The following APC variants were observed in gnomAD, a reference collection of about 807,000 sequenced individuals.
The protein encoded by APC is APC regulator of Wnt signaling pathway.
In APC, 72 loss-of-function variants were observed where a neutral mutation model predicts 247.0. That is an observed-to-expected ratio of 0.29 (90% CI 0.24 to 0.35). APC has a LOEUF of 0.35. APC is among the 10% of genes least tolerant of loss of function. The pLI, the probability that APC is intolerant of heterozygous loss-of-function variation, is 1.00. For synonymous variants in APC, 1,254 were observed against 1,162.5 expected (o/e 1.08, Z -1.60); for missense variants, 3,400 against 3,360.7 (o/e 1.01, Z -0.29).
At chr5:112,794,927 G>C (rs1760038921) in intron 7 of APC, among the ~76,000 whole-genome samples, 1 of 152,226 alleles carries the variant, frequency 6.6e-6, no homozygotes, top group Non-Finnish European at 1.5e-5. Flanking sequence ...TATGGGGCAA[G>C]GCCTAAGGAA....
chr5:112,797,302 T>A (rs1249382128), intron 7 of APC, among the ~76,000 whole-genome samples: 2 of 152,216 alleles, frequency 1.3e-5, no homozygotes, highest in Non-Finnish European at 2.9e-5. Flanking sequence ...TGCATTATTT[T>A]ATTCTTCTAA....
chr5:112,767,614 T>C (rs1756503726), intron 4 of APC, among the ~76,000 whole-genome samples: 1 of 152,036 alleles, frequency 6.6e-6, no homozygotes, highest in African/African-American at 2.4e-5. Context: ...TTGTCACTTA[T>C]TTTGTTTTTT....
intron 2 of APC, among the ~76,000 whole-genome samples, chr5:112,765,003 A>G (rs1756113032): frequency 6.6e-6 from 1 of 152,214 alleles, no homozygotes. Context: ...ATGCCCCCAC[A>G]TCTACTTACC....
chr5:112,797,100 A>AT (rs1384082838), intron 7 of APC, among the ~76,000 whole-genome samples: 1 of 152,028 alleles, frequency 6.6e-6, no homozygotes, highest in Non-Finnish European at 1.5e-5. Context: ...CTTTTTATTC[A>AT]TATTATTGGA....
Position 112,842,275 on chromosome 5 carries a change from C to T in APC, c.6681C>T (p.Gly2227=), listed in dbSNP as rs1554087623. ...CAAACATGCCTTCAATCTCTCGAGGCAGGACAATGATTCATATTCCAGGAG... is the reference window on the plus strand; with the variant it reads ...CAAACATGCCTTCAATCTCTCGAGGTAGGACAATGATTCATATTCCAGGAG... The part of the protein sequence containing the change: ...LQANMPSISR[G]RTMIHIPGVR... Residue 2227 remains glycine, a synonymous_variant, in exon 16 of 16, where the codon GGC becomes GGT. Coordinates refer to ENST00000257430, the MANE Select transcript of APC (RefSeq NM_000038.6). 6.2e-7 allele frequency: 1 copy of T among 1,613,946 alleles called. No homozygotes were observed. Among genetic ancestry groups the T allele is most frequent in the African/African-American group, 1.3e-5 (1 of 74,992 alleles).
intron 2 of APC, among the ~76,000 whole-genome samples, chr5:112,765,677 CAAAGTTCACA>C (rs138052488): frequency 0.065 from 9,903 of 151,816 alleles, 395 homozygotes; most frequent in Middle Eastern, 0.14. Flanking sequence ...CAATAAGAGC[CAAAGTTCACA>C]AATGTAATGG....
At chr5:112,756,412 A>G (rs1329525079) in intron 2 of APC, among the ~76,000 whole-genome samples, 1 of 152,240 alleles carries the variant, frequency 6.6e-6, no homozygotes, top group Non-Finnish European at 1.5e-5. Context: ...AAAGACTTGC[A>G]TTAGTTGCCT....
intron 1 of APC, among the ~76,000 whole-genome samples, chr5:112,711,173 C>G (rs1303702794): frequency 6.6e-6 from 1 of 152,214 alleles, no homozygotes; most frequent in Non-Finnish European, 1.5e-5. Context: ...ACCACCTGAG[C>G]TCCACCTCCT....
intron 5 of APC, among the ~76,000 whole-genome samples, chr5:112,779,523 A>G (rs572302886): frequency 1.1e-4 from 17 of 152,298 alleles, no homozygotes; most frequent in Admixed American, 4.6e-4. Context: ...TGTATTTTAT[A>G]AGTATTTTTT....
At chr5:112,712,256 T>TC (rs1750896960) in intron 1 of APC, among the ~76,000 whole-genome samples, 1 of 120,318 alleles carries the variant, frequency 8.3e-6, no homozygotes, top group Non-Finnish European at 2.0e-5. Flanking sequence ...TTCTTGGTTC[T>TC]GTAACTCCCT....
chr5:112,717,915 T>C (rs1295447022), intron 1 of APC, among the ~76,000 whole-genome samples: 65 of 123,954 alleles, frequency 5.2e-4, no homozygotes, highest in African/African-American at 1.8e-3. Flanking sequence ...TTTCTTTTTT[T>C]TTTTTTTTTT....
chr5:112,809,583 A>T (rs900316933), intron 8 of APC, among the ~76,000 whole-genome samples: 1 of 138,140 alleles, frequency 7.2e-6, no homozygotes, highest in African/African-American at 2.7e-5. Context: ...CTAAAAAATC[A>T]CCTTGGGTTT....
intron 1 of APC, among the ~76,000 whole-genome samples, chr5:112,739,755 G>T (rs79827817): frequency 6.6e-6 from 1 of 152,150 alleles, no homozygotes; most frequent in African/African-American, 2.4e-5. Context: ...ACTATGGCTA[G>T]AACTAAAGAT....
intron 11 of APC, among the ~76,000 whole-genome samples, chr5:112,825,950 A>T (rs1427023427): frequency 6.6e-6 from 1 of 152,166 alleles, no homozygotes; most frequent in African/African-American, 2.4e-5. Context: ...AATTTTCCTA[A>T]ATATGATTTG....
intron 6 of APC, among the ~76,000 whole-genome samples, chr5:112,785,177 T>G (rs1758800169): frequency 6.6e-6 from 1 of 152,100 alleles, no homozygotes; most frequent in Non-Finnish European, 1.5e-5. Flanking sequence ...CTAATGCAAG[T>G]AGAAAAAACA....
At position 112,743,340 on chromosome 5, in the gene APC, G is replaced by A. The variant is rs115101901; in HGVS notation, c.-19+5415G>A. ...TGCAAAGTTCCTTTAGCCACATAAG[G>A]TAACACATTCATAAGTTTTGGGGAC... On this transcript the variant is annotated intron_variant, in intron 1 of 15. Transcript: ENST00000257430. Among the ~76,000 whole-genome samples the A allele has an allele frequency of 4.3e-3, 659 of 152,206 alleles. 4 individuals carry two copies. The highest frequency in any genetic ancestry group is 0.015 in the African/African-American group (620 of 41,534).
chr5:112,820,899 G>C (rs1003122092), intron 10 of APC, among the ~76,000 whole-genome samples: 1 of 151,980 alleles, frequency 6.6e-6, no homozygotes, highest in Admixed American at 6.6e-5. Context: ...TCTCACACAA[G>C]CGCCCAGACT....
At chr5:112,714,067 C>T (rs569437704) in intron 1 of APC, among the ~76,000 whole-genome samples, 4 of 152,294 alleles carry the variant, frequency 2.6e-5, no homozygotes, top group African/African-American at 7.2e-5. Flanking sequence ...TTGTTTAAGA[C>T]TGTGTTAAGT....
intron 1 of APC, among the ~76,000 whole-genome samples, chr5:112,748,255 C>G (rs938787512): frequency 6.6e-6 from 1 of 151,944 alleles, no homozygotes; most frequent in South Asian, 2.1e-4. Flanking sequence ...AACTGAATAT[C>G]ACCACCTAAT....
Sources: allele counts gnomAD v4.1 joint callset (sites outside exome capture counted in the v4.1 genomes callset), GRCh38; gene constraint gnomAD v4.1.1; transcripts MANE v1.5; gene names NCBI Gene and HGNC (gene_info 2026-07-23, HGNC 2026-07-21).